Variants in POFUT3 observed in about 807,000 individuals in gnomAD.
The protein encoded by POFUT3 is GDP-fucose protein O-fucosyltransferase 3.
chr8:33,435,409 G>A, the POFUT3 span, among the ~76,000 whole-genome samples: 1 of 151,798 alleles, frequency 6.6e-6, no homozygotes, highest in Non-Finnish European at 1.5e-5. Context: ...GTAGAGATGG[G>A]GTTTCACCAT....
chr8:33,310,416 C>T, the POFUT3 span, among the ~76,000 whole-genome samples: 12 of 152,210 alleles, frequency 7.9e-5, no homozygotes, highest in Admixed American at 7.2e-4. Flanking sequence ...TTTCAAAACA[C>T]AATAAAAATC....
chr8:33,389,074 A>G, the POFUT3 span: 5 of 1,614,042 alleles, frequency 3.1e-6, no homozygotes, highest in Admixed American at 1.7e-5. Flanking sequence ...GTTCCCTGAG[A>G]GCTGTCAGAA....
the POFUT3 span, chr8:33,436,427 T>G: frequency 6.9e-7 from 1 of 1,441,640 alleles, no homozygotes; most frequent in Non-Finnish European, 9.7e-7. Context: ...GGAAGCTCCT[T>G]ATTGGTACAG....
At chr8:33,366,086 G>T in the POFUT3 span, among the ~76,000 whole-genome samples, 1 of 152,200 alleles carries the variant, frequency 6.6e-6, no homozygotes, top group East Asian at 1.9e-4. Flanking sequence ...CATAAAAAAG[G>T]ATGAGTTCAT....
chr8:33,410,940 A>G, the POFUT3 span, among the ~76,000 whole-genome samples: 65 of 152,090 alleles, frequency 4.3e-4, 1 homozygote, highest in African/African-American at 1.4e-3. Context: ...GTTCCTGATC[A>G]CCACCCCTAA....
chr8:33,316,349 T>A, the POFUT3 span, among the ~76,000 whole-genome samples: 14 of 152,126 alleles, frequency 9.2e-5, no homozygotes, highest in South Asian at 2.9e-3. Flanking sequence ...GGGTAACATC[T>A]CCCTGAGGTT....
the POFUT3 span, among the ~76,000 whole-genome samples, chr8:33,341,911 G>A: frequency 4.6e-5 from 7 of 152,022 alleles, no homozygotes; most frequent in African/African-American, 1.7e-4. Flanking sequence ...AATCAAAAAA[G>A]CCTGGGCATG....
the POFUT3 span, among the ~76,000 whole-genome samples, chr8:33,376,563 T>C: frequency 6.6e-6 from 1 of 152,286 alleles, no homozygotes; most frequent in Non-Finnish European, 1.5e-5. Context: ...CAAGTCCTCC[T>C]TTCTCTTGGG....
the POFUT3 span, among the ~76,000 whole-genome samples, chr8:33,408,052 A>C: frequency 2.2e-4 from 33 of 151,590 alleles, no homozygotes; most frequent in Admixed American, 1.3e-4. Flanking sequence ...GGCAGGGAAC[A>C]ATGGCTCACA....
the POFUT3 span, among the ~76,000 whole-genome samples, chr8:33,459,832 G>A: frequency 1.3e-5 from 2 of 152,112 alleles, no homozygotes; most frequent in African/African-American, 4.8e-5. Context: ...GCCAAGGTGT[G>A]CAGACTGCTT....
chr8:33,363,791 C>T, the POFUT3 span, among the ~76,000 whole-genome samples: 1 of 152,062 alleles, frequency 6.6e-6, no homozygotes, highest in South Asian at 2.1e-4. Flanking sequence ...GCTTACCAAC[C>T]AAAAAAAGTC....
At chr8:33,400,660 ATTAT>A in the POFUT3 span, among the ~76,000 whole-genome samples, 2 of 152,080 alleles carry the variant, frequency 1.3e-5, no homozygotes, top group Admixed American at 1.3e-4. Context: ...ATAGATTTTT[ATTAT>A]TTATCACTCT....
At chr8:33,452,849 T>C in the POFUT3 span, 1 of 204,888 alleles carries the variant, frequency 4.9e-6, no homozygotes, top group African/African-American at 2.3e-5. Flanking sequence ...AAATGCCCAT[T>C]ATATTATCTA....
chr8:33,457,940 T>C, the POFUT3 span, among the ~76,000 whole-genome samples: 1 of 152,120 alleles, frequency 6.6e-6, no homozygotes, highest in Non-Finnish European at 1.5e-5. Context: ...AATTAAATAA[T>C]TTATGTTATA....
At chr8:33,460,226 T>C in the POFUT3 span, among the ~76,000 whole-genome samples, 3 of 150,418 alleles carry the variant, frequency 2.0e-5, no homozygotes, top group South Asian at 6.3e-4. Context: ...CCATGGCACA[T>C]GCCTGTGGTC....
chr8:33,334,781 G>T, the POFUT3 span, among the ~76,000 whole-genome samples: 2 of 152,228 alleles, frequency 1.3e-5, no homozygotes, highest in African/African-American at 2.4e-5. Context: ...TAACTTGGAT[G>T]TGGCATTGTC....
At chr8:33,400,190 G>A in the POFUT3 span, among the ~76,000 whole-genome samples, 13 of 146,028 alleles carry the variant, frequency 8.9e-5, no homozygotes, top group Non-Finnish European at 1.6e-4. Context: ...GGTGGCTCAC[G>A]CCTGTAATCC....
At chr8:33,420,843 T>C in the POFUT3 span, among the ~76,000 whole-genome samples, 3 of 151,852 alleles carry the variant, frequency 2.0e-5, no homozygotes, top group South Asian at 2.1e-4. Context: ...TTTGAGATGA[T>C]AGATTTGCTA....
At chr8:33,410,944 C>T in the POFUT3 span, among the ~76,000 whole-genome samples, 1 of 152,144 alleles carries the variant, frequency 6.6e-6, no homozygotes, top group African/African-American at 2.4e-5. Flanking sequence ...CTGATCACCA[C>T]CCCTAACAGC....
Sources: allele counts gnomAD v4.1 joint callset (sites outside exome capture counted in the v4.1 genomes callset), GRCh38; gene constraint gnomAD v4.1.1; transcripts MANE v1.5; gene names NCBI Gene and HGNC (gene_info 2026-07-23, HGNC 2026-07-21).